SSH1: variants seen among roughly 807,000 people sequenced by gnomAD.
SSH1 encodes protein phosphatase Slingshot homolog 1.
Under a neutral mutation model 79.7 loss-of-function variants are expected in SSH1, and 43 were observed. The ratio of observed to expected loss-of-function variants is 0.54; its 90% CI spans 0.42 to 0.70. SSH1 has a LOEUF of 0.70. Ranked by LOEUF, SSH1 falls within the 30% of genes least tolerant of loss-of-function variation. The pLI is 0.00. For synonymous variants in SSH1, 599 were observed against 538.3 expected, an observed-to-expected ratio of 1.11 and a Z score of -1.56; for missense variants, 1,206 against 1,358.8, an observed-to-expected ratio of 0.89 and a Z score of 1.77.
rs960510683 is a variant in SSH1 at position 108,857,391 on chromosome 12, G to C, written c.69+37C>G. The C allele has an allele frequency of 4.0e-6, 4 of 989,042 alleles. No individual in the cohort carries two copies. The African/African-American group carries it at 7.1e-5, about 17-fold the overall frequency. The allele number at this position is 989,042 out of a possible 1,614,324, so 61.3% of individuals were successfully genotyped here. On this transcript the variant is annotated intron_variant, in intron 1 of 14. Transcript: ENST00000326495. This position sits in a 1 kb window ranked among gnomAD's most constrained non-coding sequence, Gnocchi z 4.7. Reference sequence around the variant, plus strand: ...CTCCGGCGGCCTCGGCGCGGCGTCCGGCGGCCCAGGCCGGGCGCGGCGAGC... The same window carrying C: ...CTCCGGCGGCCTCGGCGCGGCGTCCCGCGGCCCAGGCCGGGCGCGGCGAGC...
intron 2 of SSH1, among the ~76,000 whole-genome samples, chr12:108,829,273 G>A (rs956619851): frequency 2.0e-5 from 3 of 152,304 alleles, no homozygotes; most frequent in Admixed American, 2.0e-4. Flanking sequence ...GTTGCAGTGA[G>A]CCAAGATCGC....
intron 11 of SSH1, among the ~76,000 whole-genome samples, chr12:108,801,919 C>T (rs2037027246): frequency 6.6e-6 from 1 of 152,142 alleles, no homozygotes; most frequent in South Asian, 2.1e-4. Flanking sequence ...CAAAGTGGCC[C>T]AGGGATCAGG....
At chr12:108,835,603 C>T (rs892389396) in intron 2 of SSH1, among the ~76,000 whole-genome samples, 1 of 151,680 alleles carries the variant, frequency 6.6e-6, no homozygotes, top group Non-Finnish European at 1.5e-5. Flanking sequence ...CTCTGGAAAA[C>T]AGTCTCAAAA....
intron 13 of SSH1, among the ~76,000 whole-genome samples, chr12:108,796,887 T>C (rs560824817): frequency 2.0e-5 from 3 of 151,936 alleles, no homozygotes; most frequent in East Asian, 3.9e-4. Flanking sequence ...GGATTACAGG[T>C]GCATGCCACC....
chr12:108,818,244 C>G lies in SSH1; in HGVS notation c.279+5G>C. 2 of 1,613,626 alleles carry G rather than the reference C, an allele frequency of 1.2e-6. No homozygotes were observed. The highest frequency in any genetic ancestry group is 1.7e-6 in the Non-Finnish European group (2 of 1,179,828). Reference sequence around the variant, plus strand: ...TTTTAACTTGACATTCTCACTGCTTCTTACCAGCTTGATTCTGTCTTCGCA... The same window carrying G: ...TTTTAACTTGACATTCTCACTGCTTGTTACCAGCTTGATTCTGTCTTCGCA... On this transcript the variant is annotated splice_donor_5th_base_variant and intron_variant, in intron 4 of 14. Transcript: ENST00000326495.
intron 11 of SSH1, among the ~76,000 whole-genome samples, chr12:108,801,573 TG>T (rs1234644752): frequency 1.3e-5 from 2 of 152,168 alleles, no homozygotes; most frequent in Admixed American, 1.3e-4. Context: ...CAGAAGAGTA[TG>T]GCCTTACGTT....
intron 1 of SSH1, chr12:108,853,362 G>C: frequency 2.0e-6 from 2 of 984,904 alleles, no homozygotes; most frequent in Non-Finnish European, 2.4e-6. Flanking sequence ...CTTTCAGAGA[G>C]CAAACTGAAA....
At chr12:108,827,004 A>T (rs1190866261) in intron 2 of SSH1, among the ~76,000 whole-genome samples, 8 of 66,398 alleles carry the variant, frequency 1.2e-4, no homozygotes, top group African/African-American at 3.1e-4. Context: ...GATGAGGGAT[A>T]AAAAAAAAAA....
At chr12:108,819,231 C>CT (rs1426310565) in intron 3 of SSH1, among the ~76,000 whole-genome samples, 1 of 152,150 alleles carries the variant, frequency 6.6e-6, no homozygotes, top group Admixed American at 6.5e-5. Flanking sequence ...ATTATGTACT[C>CT]TTTTTTCTTC....
intron 3 of SSH1, among the ~76,000 whole-genome samples, chr12:108,822,287 C>T (rs538693899): frequency 1.6e-3 from 243 of 152,212 alleles, no homozygotes; most frequent in Non-Finnish European, 2.7e-3. Flanking sequence ...GCATGCGCCA[C>T]CACGCCCAGC....
intron 2 of SSH1, among the ~76,000 whole-genome samples, chr12:108,846,406 C>T (rs2038900115): frequency 6.6e-6 from 1 of 152,204 alleles, no homozygotes; most frequent in Non-Finnish European, 1.5e-5. Context: ...TGAGCCAGCT[C>T]CCGGGATGGC....
chr12:108,803,359 C>CG lies in SSH1; in HGVS notation c.955-992dup, dbSNP rs529657567. Among the ~76,000 whole-genome samples the CG allele has an allele frequency of 5.6e-4, 73 of 130,850 alleles. 1 individual carries two copies. In the South Asian group the frequency reaches 0.012, roughly 21 times the overall value. The allele number at this position is 130,850 out of a possible 152,430, so 85.8% of individuals were successfully genotyped here. A position where few individuals can be genotyped will look rare whatever the true frequency, so the allele number is the denominator to read the frequency against. ...TCCCAAGCATTCAAAGGACATGGAA[C>CG]GGGGGAAAAAAAAAAAGAAAAGAAA... On this transcript the variant is annotated intron_variant, in intron 10 of 14. Transcript: ENST00000326495.
chr12:108,809,087 G>A (rs2037440536), intron 7 of SSH1, among the ~76,000 whole-genome samples: 1 of 151,708 alleles, frequency 6.6e-6, no homozygotes, highest in South Asian at 2.1e-4. Flanking sequence ...ACCCACCGTG[G>A]CCTCCCAAAG....
At chr12:108,826,141 C>T (rs1309773114) in intron 2 of SSH1, 5 of 455,422 alleles carry the variant, frequency 1.1e-5, no homozygotes, top group African/African-American at 2.0e-5. Context: ...CAACCATTAA[C>T]GATGACCTTT....
intron 3 of SSH1, 46 bp downstream of exon 3, chr12:108,823,212 C>G (rs2038189163): frequency 6.6e-7 from 1 of 1,511,250 alleles, no homozygotes; most frequent in Non-Finnish European, 9.0e-7. Context: ...CCTCTGCTGT[C>G]CAGAAAAGAA....
intron 2 of SSH1, among the ~76,000 whole-genome samples, chr12:108,835,320 A>G (rs1260877273): frequency 6.6e-6 from 1 of 152,182 alleles, no homozygotes; most frequent in Non-Finnish European, 1.5e-5. Flanking sequence ...GTGCTCCTGT[A>G]ATCCCAGCTA....
chr12:108,827,540 T>C (rs1049609075), intron 2 of SSH1: 32 of 1,280,918 alleles, frequency 2.5e-5, no homozygotes, highest in Non-Finnish European at 2.7e-5. Context: ...CTCTGATATT[T>C]TGGCTGAAAA....
In SSH1 at chr12:108,809,883, G is replaced by C. The variant is rs898384098; in HGVS notation, c.471-125C>G. 1.6e-5 allele frequency: 13 copies of C among 823,576 alleles called. No individual in the cohort carries two copies. In the Middle Eastern group the frequency reaches 8.4e-4, roughly 53 times the overall value. 51.0% of individuals were successfully genotyped at this position (823,576 alleles called of 1,614,324 possible). On this transcript the variant is annotated intron_variant, in intron 6 of 14. Coordinates refer to ENST00000326495, the MANE Select transcript of SSH1 (RefSeq NM_018984.4). ...GGAACAAGCACATCTCAGGCCACAT[G>C]ATGAGGGATTTTACGGAACCCGCTT...
chr12:108,845,690 A>C (rs2038884778), intron 2 of SSH1, among the ~76,000 whole-genome samples: 1 of 152,238 alleles, frequency 6.6e-6, no homozygotes, highest in Admixed American at 6.5e-5. Flanking sequence ...TCCATTTCAA[A>C]TTTAAACAAA....
Sources: allele counts gnomAD v4.1 joint callset (sites outside exome capture counted in the v4.1 genomes callset), GRCh38; gene constraint gnomAD v4.1.1; non-coding constraint Gnocchi (gnomAD v3.1); transcripts MANE v1.5; gene names NCBI Gene and HGNC (gene_info 2026-07-23, HGNC 2026-07-21).